The following KCNIP4 variants were observed in gnomAD, a reference collection of about 807,000 sequenced individuals.
KCNIP4 encodes Kv channel-interacting protein 4.
Under a neutral mutation model 34.0 loss-of-function variants are expected in KCNIP4, and 12 were observed. That is an observed-to-expected ratio of 0.35 (90% confidence interval 0.23 to 0.57). The LOEUF (loss-of-function observed/expected upper bound fraction) is 0.57, where lower values mean the gene tolerates loss of function less well. Ranked by LOEUF, KCNIP4 falls within the 20% of genes least tolerant of loss-of-function variation. The probability of loss-of-function intolerance (pLI) is 0.83; values close to 1 mark genes in which losing one functional copy is unlikely to be tolerated. For synonymous variants in KCNIP4, 124 were observed against 102.2 expected, an observed-to-expected ratio of 1.21 and a Z score of -1.29; for missense variants, 238 against 311.7, an observed-to-expected ratio of 0.76 and a Z score of 1.78.
At chr4:21,018,503 GA>G (rs1739751586) in intron 1 of KCNIP4, among the ~76,000 whole-genome samples, 1 of 152,090 alleles carries the variant, frequency 6.6e-6, no homozygotes, top group Admixed American at 6.6e-5. Context: ...ACCAATGACT[GA>G]ACCTGTAGAG....
chr4:21,216,014 C>T (rs1020059545), intron 1 of KCNIP4, among the ~76,000 whole-genome samples: 15 of 152,088 alleles, frequency 9.9e-5, no homozygotes, highest in Admixed American at 2.0e-4. Context: ...TGGTCTTGAA[C>T]TCCAGGAATC....
chr4:20,802,063 ACAAT>A (rs1213263386), intron 3 of KCNIP4, among the ~76,000 whole-genome samples: 4 of 150,822 alleles, frequency 2.7e-5, no homozygotes, highest in East Asian at 1.9e-4. Context: ...TAGTGGTCTG[ACAAT>A]CAAGAAGACT....
chr4:21,297,622 T>C (rs953759479), intron 1 of KCNIP4, among the ~76,000 whole-genome samples: 3 of 152,168 alleles, frequency 2.0e-5, no homozygotes, highest in African/African-American at 7.2e-5. Flanking sequence ...TCAGTTTCCT[T>C]ATCTATAAGA....
At chr4:21,789,778 A>G (rs976408736) in intron 1 of KCNIP4, among the ~76,000 whole-genome samples, 7 of 152,250 alleles carry the variant, frequency 4.6e-5, no homozygotes, top group African/African-American at 1.7e-4. Context: ...CTTACAAAGA[A>G]GAAATCAAGG....
chr4:21,261,692 A>G (rs1761481573), intron 1 of KCNIP4, among the ~76,000 whole-genome samples: 1 of 152,132 alleles, frequency 6.6e-6, no homozygotes, highest in Non-Finnish European at 1.5e-5. Context: ...TCTCTCCCTC[A>G]TACACCTAAT....
intron 1 of KCNIP4, among the ~76,000 whole-genome samples, chr4:20,936,899 C>A (rs1277429155): frequency 1.3e-5 from 2 of 152,150 alleles, no homozygotes; most frequent in Non-Finnish European, 2.9e-5. Flanking sequence ...TTACTCTGCG[C>A]ATCTGCCCTG....
Position 20,875,117 on chromosome 4 carries a change from A to G in KCNIP4, c.163+7491T>C, listed in dbSNP as rs924675476. Among the ~76,000 whole-genome samples, 5 of 152,246 alleles carry G rather than the reference A, an allele frequency of 3.3e-5. No homozygotes were observed. In the South Asian group the frequency reaches 8.3e-4, roughly 25 times the overall value. On this transcript the variant is annotated intron_variant, in intron 2 of 8. Coordinates refer to ENST00000382152, the MANE Select transcript of KCNIP4 (RefSeq NM_025221.6). The stretch of plus-strand genomic sequence containing the variant: ...AGAGAGAAGGAAAAAAAAAAAACTC[A>G]TTCAAGGGGCTACCACCATCTTCCT...
intron 1 of KCNIP4, among the ~76,000 whole-genome samples, chr4:21,436,024 A>G (rs1726916202): frequency 6.6e-6 from 1 of 152,206 alleles, no homozygotes; most frequent in Admixed American, 6.5e-5. Context: ...ATTCTGTTTG[A>G]CAATGTCAGG....
chr4:21,375,322 C>A (rs1044109778), intron 1 of KCNIP4, among the ~76,000 whole-genome samples: 3 of 152,106 alleles, frequency 2.0e-5, no homozygotes, highest in African/African-American at 7.2e-5. Context: ...ATAAAAACAG[C>A]CTGGGTTCAA....
At chr4:20,855,868 AGGATAAAATTGATG>A (rs1303817495) in intron 2 of KCNIP4, among the ~76,000 whole-genome samples, 1 of 152,208 alleles carries the variant, frequency 6.6e-6, no homozygotes, top group Admixed American at 6.6e-5. Flanking sequence ...AAGGCTGACA[AGGATAAAATTGATG>A]GGATAAAATT....
At chr4:20,940,723 T>C (rs896411531) in intron 1 of KCNIP4, among the ~76,000 whole-genome samples, 4 of 152,228 alleles carry the variant, frequency 2.6e-5, no homozygotes, top group Non-Finnish European at 4.4e-5. Context: ...TTATCCAGGC[T>C]ACAACTATTG....
intron 1 of KCNIP4, among the ~76,000 whole-genome samples, chr4:21,554,789 A>G (rs1475179481): frequency 6.6e-6 from 1 of 152,070 alleles, no homozygotes; most frequent in Admixed American, 6.6e-5. Context: ...TCTGTTTACA[A>G]GCCTTCCTCC....
chr4:21,269,232 G>C (rs1761994120), intron 1 of KCNIP4, among the ~76,000 whole-genome samples: 1 of 152,150 alleles, frequency 6.6e-6, no homozygotes, highest in Non-Finnish European at 1.5e-5. Flanking sequence ...TGATAGAAGA[G>C]ACAGAGAAGA....
intron 5 of KCNIP4, among the ~76,000 whole-genome samples, chr4:20,742,518 C>T (rs1248782880): frequency 6.6e-6 from 1 of 152,098 alleles, no homozygotes; most frequent in East Asian, 1.9e-4. Context: ...TATTCAGCAG[C>T]CCTTCATGCT....
At chr4:21,672,536 T>C (rs1160463085) in intron 1 of KCNIP4, among the ~76,000 whole-genome samples, 1 of 152,234 alleles carries the variant, frequency 6.6e-6, no homozygotes, top group Non-Finnish European at 1.5e-5. Flanking sequence ...TCAGTGTATA[T>C]TAAATATGTG....
At chr4:21,193,831 A>C (rs1255400479) in intron 1 of KCNIP4, among the ~76,000 whole-genome samples, 1 of 152,142 alleles carries the variant, frequency 6.6e-6, no homozygotes, top group Admixed American at 6.5e-5. Context: ...TCGGCCTCCC[A>C]AAGTGCTGGG....
intron 1 of KCNIP4, among the ~76,000 whole-genome samples, chr4:20,954,075 CATGTG>C (rs956706972): frequency 1.3e-5 from 2 of 152,128 alleles, no homozygotes; most frequent in African/African-American, 2.4e-5. Context: ...ATATGCATTC[CATGTG>C]ATGTATGTCT....
chr4:20,748,876 G>GTA (rs1753003278), intron 5 of KCNIP4, among the ~76,000 whole-genome samples: 3 of 100,100 alleles, frequency 3.0e-5, no homozygotes, highest in Non-Finnish European at 6.4e-5. Context: ...TTACGTGTGT[G>GTA]TGTGTATGTG....
intron 1 of KCNIP4, among the ~76,000 whole-genome samples, chr4:21,928,827 T>A (rs939375047): frequency 6.6e-6 from 1 of 151,976 alleles, no homozygotes; most frequent in Non-Finnish European, 1.5e-5. Flanking sequence ...TATTCCCTAA[T>A]GTCCCCAAGA....
Sources: gnomAD v4.1 joint callset for allele counts (sites outside exome capture counted in the v4.1 genomes callset) on GRCh38, gnomAD v4.1.1 for gene constraint, MANE v1.5 for transcripts, NCBI Gene and HGNC (gene_info 2026-07-23, HGNC 2026-07-21) for gene names.